Variants in MYO5C observed in about 807,000 individuals in gnomAD.
MYO5C encodes the protein myosin VC.
In MYO5C, 194 loss-of-function variants were observed where a neutral mutation model predicts 235.7. The observed-to-expected ratio is 0.82, with a 90% confidence interval of 0.73 to 0.93. The LOEUF (loss-of-function observed/expected upper bound fraction) is 0.93, where lower values mean the gene tolerates loss of function less well. Among genes scored for constraint, MYO5C ranks in the 40% least tolerant of loss-of-function variants. The pLI, the probability that MYO5C is intolerant of heterozygous loss-of-function variation, is 0.00. For synonymous variants in MYO5C, 707 were observed against 754.8 expected, an observed-to-expected ratio of 0.94 and a Z score of 1.04; for missense variants, 2,038 against 2,127.2, an observed-to-expected ratio of 0.96 and a Z score of 0.82.
At chr15:52,276,943 G>A (rs373096743) in intron 4 of MYO5C, among the ~76,000 whole-genome samples, 22 of 151,928 alleles carry the variant, frequency 1.4e-4, no homozygotes, top group Non-Finnish European at 2.8e-4. Flanking sequence ...AAAATCCTAC[G>A]ACATAGATAT....
At chr15:52,232,358 G>GAA (rs2035984262) in intron 24 of MYO5C, among the ~76,000 whole-genome samples, 2 of 135,654 alleles carry the variant, frequency 1.5e-5, no homozygotes, top group South Asian at 5.0e-4. Context: ...AAGAAAGAAA[G>GAA]GAAAAGAAAA....
intron 23 of MYO5C, among the ~76,000 whole-genome samples, chr15:52,235,331 C>T (rs755855128): frequency 6.6e-5 from 10 of 152,150 alleles, no homozygotes; most frequent in Middle Eastern, 3.2e-3. Flanking sequence ...TCTGACACCA[C>T]CACACACGAA....
At chr15:52,231,670 A>G (rs2035953870) in intron 24 of MYO5C, among the ~76,000 whole-genome samples, 1 of 152,112 alleles carries the variant, frequency 6.6e-6, no homozygotes, top group East Asian at 1.9e-4. Context: ...TGTCCTGCTC[A>G]CTGCATGGGG....
At chr15:52,264,829 G>A (rs549690410) in intron 8 of MYO5C, among the ~76,000 whole-genome samples, 34 of 152,290 alleles carry the variant, frequency 2.2e-4, no homozygotes, top group Non-Finnish European at 4.4e-4. Context: ...AGAGAGGAGC[G>A]GAGAAGGTTC....
intron 1 of MYO5C, among the ~76,000 whole-genome samples, chr15:52,292,344 G>A (rs2037411613): frequency 6.6e-6 from 1 of 152,198 alleles, no homozygotes; most frequent in African/African-American, 2.4e-5. Context: ...TGAAGAAGAG[G>A]AAGATAATAA....
At chr15:52,217,910 T>A (rs1482062449) in intron 32 of MYO5C, among the ~76,000 whole-genome samples, 1 of 152,144 alleles carries the variant, frequency 6.6e-6, no homozygotes, top group Non-Finnish European at 1.5e-5. Flanking sequence ...CCTAGGAAAG[T>A]GGCCTGTCAC....
chr15:52,282,523 GCA>G (rs1470887311), intron 2 of MYO5C, among the ~76,000 whole-genome samples: 1 of 152,230 alleles, frequency 6.6e-6, no homozygotes, highest in Non-Finnish European at 1.5e-5. Context: ...CAGTGCCGTG[GCA>G]CAGACCTGGC....
Position 52,279,150 on chromosome 15 carries a change from A to G in MYO5C, c.305-133T>C, listed in dbSNP as rs527255843. ...TGACTTTGGGCAAGTCACTTCACGCACTGAATTAATTCCCTGCCAGTCACC... is the reference window on the plus strand; with the variant it reads ...TGACTTTGGGCAAGTCACTTCACGCGCTGAATTAATTCCCTGCCAGTCACC... On this transcript the variant is annotated intron_variant, in intron 3 of 40. Transcript: ENST00000261839. The G allele has an allele frequency of 2.8e-5, 26 of 929,052 alleles. No individual in the cohort carries two copies. In the East Asian group the frequency reaches 5.9e-4, roughly 21 times the overall value. 57.6% of individuals were successfully genotyped at this position (929,052 alleles called of 1,614,324 possible). A position where few individuals can be genotyped will look rare whatever the true frequency, so the allele number is the denominator to read the frequency against.
chr15:52,278,993 G>C lies in MYO5C; in HGVS notation c.329C>G (p.Pro110Arg), dbSNP rs1443541336. Reference protein sequence around the residue: ...YSGIILVAMNPYKQLPIYGDA... With the variant: ...YSGIILVAMNRYKQLPIYGDA... Reference sequence around the variant, plus strand: ...TCCGTATATTGGCAACTGCTTGTAAGGATTCATGGCCACCAAAATGATTCC... The same window carrying C: ...TCCGTATATTGGCAACTGCTTGTAACGATTCATGGCCACCAAAATGATTCC... The change falls in exon 4 of 41, where the codon CCT becomes CGT. Residue 110 changes from proline (P) to arginine (R), a missense_variant. Physicochemically the swap from Pro to Arg is moderately radical, Grantham distance 103. Coordinates refer to ENST00000261839, the MANE Select transcript of MYO5C (RefSeq NM_018728.4). The C allele has an allele frequency of 6.2e-7, 1 of 1,613,490 alleles. No individual in the cohort carries two copies. The highest frequency in any genetic ancestry group is 2.2e-5 in the East Asian group (1 of 44,856).
intron 4 of MYO5C, chr15:52,277,182 C>T (rs1435918619): frequency 1.9e-6 from 1 of 530,040 alleles, no homozygotes; most frequent in South Asian, 1.4e-5. Flanking sequence ...GTTCTACAGC[C>T]CTGAGGGACA....
intron 1 of MYO5C, among the ~76,000 whole-genome samples, chr15:52,285,687 T>C (rs186275767): frequency 6.6e-6 from 1 of 152,220 alleles, no homozygotes; most frequent in South Asian, 2.1e-4. Flanking sequence ...GCCGGGCTGG[T>C]CTCCAGCTCC....
At chr15:52,274,730 A>C (rs1488152127) in intron 5 of MYO5C, among the ~76,000 whole-genome samples, 2 of 148,222 alleles carry the variant, frequency 1.3e-5, no homozygotes, top group African/African-American at 5.0e-5. Context: ...AGGTTAGAAG[A>C]ATCTTACACT....
rs1206676111 is a variant in MYO5C at position 52,229,232 on chromosome 15, G to C, written c.3108C>G (p.Leu1036=). 1 of 1,614,162 alleles carries C rather than the reference G, an allele frequency of 6.2e-7. No homozygotes were observed. ...GTTGGAGTTGCATCTTCTCATCCTTGAGAGCTTTAATTTCTTCTTTCAAAG... is the reference window on the plus strand; with the variant it reads ...GTTGGAGTTGCATCTTCTCATCCTTCAGAGCTTTAATTTCTTCTTTCAAAG... ...IQSLKEEIKA[L]KDEKMQLQHL... The change falls in exon 25 of 41, where the codon CTC becomes CTG. Residue 1036 remains leucine, a synonymous_variant. Transcript: ENST00000261839.
At chr15:52,205,282 A>G (rs2035284792) in intron 37 of MYO5C, 135 bp from the exon 38 acceptor site, 1 of 1,028,238 alleles carries the variant, frequency 9.7e-7, no homozygotes, top group South Asian at 1.7e-5. Flanking sequence ...TAGAGAAAGC[A>G]AAAGAATCAA....
At chr15:52,272,815 AC>A in intron 5 of MYO5C, 92 bp from the exon 6 acceptor site, 1 of 1,293,332 alleles carries the variant, frequency 7.7e-7, no homozygotes, top group Middle Eastern at 1.9e-4. Context: ...GCAATCCTGT[AC>A]CCTAGGGGAA....
intron 32 of MYO5C, among the ~76,000 whole-genome samples, chr15:52,217,401 A>G (rs1356998545): frequency 6.6e-6 from 1 of 152,228 alleles, no homozygotes. Context: ...CAGTCAGAGT[A>G]AAGGATCACA....
chr15:52,246,307 C>T (rs924041954), intron 16 of MYO5C, among the ~76,000 whole-genome samples: 2 of 152,214 alleles, frequency 1.3e-5, no homozygotes, highest in African/African-American at 4.8e-5. Context: ...AGGTGAGCTT[C>T]AAACGACAAC....
At position 52,219,623 on chromosome 15, in the gene MYO5C, A is replaced by G. The variant is rs963761754; in HGVS notation, c.3785+136T>C. 43 of 659,320 alleles carry G rather than the reference A, an allele frequency of 6.5e-5. 1 individual carries two copies. In the Middle Eastern group the frequency reaches 8.9e-4, roughly 14 times the overall value. The allele number at this position is 659,320 out of a possible 1,614,324, so 40.8% of individuals were successfully genotyped here. A position where few individuals can be genotyped will look rare whatever the true frequency, so the allele number is the denominator to read the frequency against. On this transcript the variant is annotated intron_variant, in intron 31 of 40. Coordinates refer to ENST00000261839, the MANE Select transcript of MYO5C (RefSeq NM_018728.4). The stretch of plus-strand genomic sequence containing the variant: ...ACATACACATATTTCTTTCCTTCCC[A>G]TCAGAATGGCAATATGTCATATATA...
intron 28 of MYO5C, 29 bp from the exon 29 acceptor site, chr15:52,223,753 C>A: frequency 1.3e-6 from 2 of 1,597,512 alleles, no homozygotes; most frequent in South Asian, 1.1e-5. Flanking sequence ...AGAAATAAAC[C>A]ACATGGCCTT....
Sources: gnomAD v4.1 joint callset for allele counts (sites outside exome capture counted in the v4.1 genomes callset) on GRCh38, gnomAD v4.1.1 for gene constraint, MANE v1.5 for transcripts, NCBI Gene and HGNC (gene_info 2026-07-23, HGNC 2026-07-21) for gene names.